ENPP2: variants seen among roughly 807,000 people sequenced by gnomAD.
ENPP2 encodes the protein ectonucleotide pyrophosphatase/phosphodiesterase 2, also known as autotaxin.
A neutral mutation model predicts 120.2 loss-of-function variants in ENPP2; 51 were observed. The ratio of observed to expected loss-of-function variants is 0.42; its 90% confidence interval spans 0.34 to 0.54. The LOEUF is 0.54. Among genes scored for constraint, ENPP2 ranks in the 20% least tolerant of loss-of-function variants. The pLI is 0.04. For missense variants in ENPP2, 920 were observed against 1,066.5 expected (o/e 0.86, Z 1.91); for synonymous variants, 365 against 366.4 (o/e 1.00, Z 0.04).
At chr8:119,654,114 A>C (rs913598188) in intron 1 of ENPP2, among the ~76,000 whole-genome samples, 5 of 143,814 alleles carry the variant, frequency 3.5e-5, no homozygotes, top group Non-Finnish European at 7.5e-5. Flanking sequence ...ACATGTACAG[A>C]GATATATAAT....
At chr8:119,565,412 G>A (rs187618306) in intron 22 of ENPP2, among the ~76,000 whole-genome samples, 1 of 152,238 alleles carries the variant, frequency 6.6e-6, no homozygotes, top group East Asian at 1.9e-4. Flanking sequence ...GACCTTTCCT[G>A]GAGATCCAGA....
chr8:119,585,895 G>C (rs73329822), intron 15 of ENPP2, among the ~76,000 whole-genome samples: 5,966 of 151,090 alleles, frequency 0.039, 139 homozygotes, highest in Non-Finnish European at 0.048. Context: ...AGTAAGAATA[G>C]AGTTTAGAAT....
chr8:119,566,645 G>A (rs914480731), intron 22 of ENPP2, among the ~76,000 whole-genome samples: 2 of 152,174 alleles, frequency 1.3e-5, no homozygotes, highest in African/African-American at 4.8e-5. Context: ...CCCCCTCGTG[G>A]AGAACAGCAA....
Position 119,649,777 on chromosome 8 carries a change from G to A in ENPP2, c.22-11250C>T, listed in dbSNP as rs146997330. On this transcript the variant is annotated intron_variant, in intron 1 of 25. Coordinates refer to the ENPP2 transcript ENST00000427067. The stretch of plus-strand genomic sequence containing the variant: ...TTAGAATAGACATTTCTCCAAAGAA[G>A]ATACACAAATGAACAATAAGCAAAT... 9.5e-3 allele frequency among the ~76,000 whole-genome samples: 1,452 copies of A among 152,234 alleles called. 11 individuals are homozygous for A. The highest frequency in any genetic ancestry group is 0.015 in the Admixed American group (228 of 15,290).
chr8:119,621,539 A>G lies in ENPP2; in HGVS notation c.293-20T>C, dbSNP rs762315786. On this transcript the variant is annotated intron_variant, in intron 3 of 24. Coordinates refer to ENST00000075322, the MANE Select transcript of ENPP2 (RefSeq NM_001040092.3). Reference sequence around the variant, plus strand: ...CACGGGCTAAAATCATCCCAATAAAACATTTTCACTGCTGCACACTAACCA... The same window carrying G: ...CACGGGCTAAAATCATCCCAATAAAGCATTTTCACTGCTGCACACTAACCA... 2.5e-5 allele frequency: 40 copies of G among 1,610,758 alleles called. No individual in the cohort carries two copies. Among genetic ancestry groups the G allele is most frequent in the Non-Finnish European group, 3.4e-5 (40 of 1,178,250 alleles).
rs571251844 is a variant in ENPP2 at position 119,603,807 on chromosome 8, C to T, written c.834-2345G>A. 2.0e-5 allele frequency among the ~76,000 whole-genome samples: 3 copies of T among 152,094 alleles called. No individual in the cohort carries two copies. In the South Asian group the frequency reaches 6.2e-4, roughly 32 times the overall value. On this transcript the variant is annotated intron_variant, in intron 9 of 24. Transcript: ENST00000075322. Reference sequence around the variant, plus strand: ...TGTGTAAACGTAAATAAAGATATTCCTACCAAAAAGACTATTATGGAGGGG... The same window carrying T: ...TGTGTAAACGTAAATAAAGATATTCTTACCAAAAAGACTATTATGGAGGGG...
chr8:119,590,519 C>A lies in ENPP2; in HGVS notation c.1193G>T (p.Ser398Ile). ...AATCAACTTACATTTAGCATTGTTG[C>A]TAAATTTGGATCGAATTCTTCCTAG... ...GTLGRIRSKF[S>I]NNAKYDPKAI... Residue 398 changes from serine to isoleucine, a missense_variant, in exon 13 of 25, where the codon AGC (serine) becomes ATC (isoleucine). Transcript: ENST00000075322. 1 of 1,597,638 alleles carries A rather than the reference C, an allele frequency of 6.3e-7. No individual in the cohort carries two copies.
upstream of ENPP2, among the ~76,000 whole-genome samples, chr8:119,639,584 G>T (rs1817202862): frequency 1.3e-5 from 2 of 151,936 alleles, no homozygotes; most frequent in South Asian, 4.2e-4. Context: ...TTCCCGTAAA[G>T]ACTGTCAGCT....
chr8:119,593,882 GTC>G, intron 11 of ENPP2, 22 bp from the exon 12 acceptor site: 1 of 1,315,938 alleles, frequency 7.6e-7, no homozygotes, highest in South Asian at 1.2e-5. Context: ...AAGCAAGTTA[GTC>G]CCCACAGGGT....
chr8:119,611,629 C>T (rs1248515211), intron 8 of ENPP2, among the ~76,000 whole-genome samples: 3 of 152,170 alleles, frequency 2.0e-5, no homozygotes, highest in African/African-American at 2.4e-5. Flanking sequence ...AACACAATAG[C>T]GGAGCCAGGC....
intron 22 of ENPP2, among the ~76,000 whole-genome samples, chr8:119,566,409 C>T (rs552227639): frequency 7.9e-5 from 12 of 152,342 alleles, no homozygotes; most frequent in African/African-American, 2.6e-4. Context: ...TCTCATACTG[C>T]TTCAATTGCT....
At chr8:119,633,542 G>C (rs1816809294) in intron 2 of ENPP2, among the ~76,000 whole-genome samples, 3 of 152,024 alleles carry the variant, frequency 2.0e-5, no homozygotes. Context: ...GCAGAGGACA[G>C]TGTGCGTGGC....
At chr8:119,568,774 A>G (rs573368738) in intron 21 of ENPP2, among the ~76,000 whole-genome samples, 13 of 152,088 alleles carry the variant, frequency 8.5e-5, no homozygotes, top group Admixed American at 6.6e-4. Context: ...TAATTTTTTA[A>G]TTTTTTTAGA....
rs76223053 is a variant in ENPP2 at position 119,600,374 on chromosome 8, C to G, written c.972+304G>C. The stretch of plus-strand genomic sequence containing the variant: ...AGCCCATTGAAGGCAAATGCCAACT[C>G]TTCCGAATTATTCACCCTCCAACTG... On this transcript the variant is annotated intron_variant, in intron 11 of 24. Coordinates refer to ENST00000075322, the MANE Select transcript of ENPP2 (RefSeq NM_001040092.3). Among the ~76,000 whole-genome samples the G allele has an allele frequency of 3.9e-5, 6 of 152,246 alleles. 1 individual carries two copies. Among genetic ancestry groups the G allele is most frequent in the African/African-American group, 1.4e-4 (6 of 41,530 alleles).
chr8:119,613,303 G>T (rs141568863), intron 8 of ENPP2, among the ~76,000 whole-genome samples: 1 of 152,276 alleles, frequency 6.6e-6, no homozygotes, highest in African/African-American at 2.4e-5. Context: ...AAAAAACAAA[G>T]ATTAAATTAA....
At chr8:119,634,302 AG>A (rs1268078523) in intron 2 of ENPP2, among the ~76,000 whole-genome samples, 1 of 152,216 alleles carries the variant, frequency 6.6e-6, no homozygotes, top group Non-Finnish European at 1.5e-5. Context: ...TGAAGTTAAA[AG>A]TTAAAAACTT....
chr8:119,569,498 T>C (rs772333038), intron 20 of ENPP2, 128 bp from the exon 21 acceptor site: 81 of 790,988 alleles, frequency 1.0e-4, no homozygotes, highest in African/African-American at 1.8e-5. Context: ...AAATTTTTTA[T>C]CTTTGATAGT....
intron 1 of ENPP2, chr8:119,673,197 T>A (rs1818304558): frequency 2.1e-6 from 3 of 1,419,378 alleles, no homozygotes; most frequent in African/African-American, 1.4e-5. Context: ...GAATGGCAGC[T>A]GTGACCTGGG....
At chr8:119,568,477 A>G (rs1814672951) in intron 21 of ENPP2, among the ~76,000 whole-genome samples, 1 of 151,512 alleles carries the variant, frequency 6.6e-6, no homozygotes, top group South Asian at 2.1e-4. Flanking sequence ...GCCATTTACA[A>G]TGTTTTTTTC....
Sources: gnomAD v4.1 joint callset for allele counts (sites outside exome capture counted in the v4.1 genomes callset) on GRCh38, gnomAD v4.1.1 for gene constraint, MANE v1.5 for transcripts, NCBI Gene and HGNC (gene_info 2026-07-23, HGNC 2026-07-21) for gene names.